DNM1L: variants seen among roughly 807,000 people sequenced by gnomAD.
The protein encoded by DNM1L is dynamin 1L.
In DNM1L, 33 loss-of-function variants were observed where a neutral mutation model predicts 92.8. The observed-to-expected ratio is 0.36, with a 90% CI of 0.27 to 0.48. The LOEUF is 0.48. Ranked by LOEUF, DNM1L falls within the 20% of genes least tolerant of loss-of-function variation. DNM1L has a pLI of 0.99. For missense variants in DNM1L, 485 were observed against 888.8 expected, an observed-to-expected ratio of 0.55 and a Z score of 5.78; for synonymous variants, 284 against 305.0, an observed-to-expected ratio of 0.93 and a Z score of 0.72.
At chr12:32,721,258 G>A (rs1421188324) in intron 8 of DNM1L, among the ~76,000 whole-genome samples, 2 of 152,170 alleles carry the variant, frequency 1.3e-5, no homozygotes, top group Non-Finnish European at 2.9e-5. Context: ...ACCCACTGAT[G>A]TGTGGGGACT....
At chr12:32,691,427 C>T (rs189998345) in intron 1 of DNM1L, among the ~76,000 whole-genome samples, 124 of 152,096 alleles carry the variant, frequency 8.2e-4, no homozygotes, top group African/African-American at 2.7e-3. Flanking sequence ...TTAGTAGAGA[C>T]GGGGTTGGGT....
intron 13 of DNM1L, 48 bp downstream of exon 13, chr12:32,733,855 T>C: frequency 6.6e-7 from 1 of 1,523,192 alleles, no homozygotes; most frequent in Non-Finnish European, 9.1e-7. Flanking sequence ...AAATCTGTTG[T>C]AACTCAGTTA....
intron 16 of DNM1L, among the ~76,000 whole-genome samples, chr12:32,739,373 A>G (rs1955123863): frequency 6.6e-6 from 1 of 152,204 alleles, no homozygotes; most frequent in Non-Finnish European, 1.5e-5. Flanking sequence ...CTAGAAAACA[A>G]GGTACAAAAG....
At position 32,737,952 on chromosome 12, in the gene DNM1L, G is replaced by A. The variant is rs1171567870; in HGVS notation, c.1674+10G>A. 1 of 1,613,376 alleles carries A rather than the reference G, an allele frequency of 6.2e-7. No individual in the cohort carries two copies. The highest frequency in any genetic ancestry group is 2.2e-5 in the East Asian group (1 of 44,870). ...TGAGGCTGATGGCAAGGTCTGTTCT[G>A]ATTCTTAATCTAAGCCTGCATGCCT... On this transcript the variant is annotated intron_variant, in intron 15 of 19. Transcript: ENST00000549701.
At chr12:32,724,643 TTAAA>T (rs1432949782) in intron 9 of DNM1L, among the ~76,000 whole-genome samples, 2,612 of 141,464 alleles carry the variant, frequency 0.018, 87 homozygotes, top group African/African-American at 0.066. Flanking sequence ...TAAATATAAA[TTAAA>T]TATTTAATAT....
intron 8 of DNM1L, 91 bp from the exon 9 acceptor site, chr12:32,722,336 A>G (rs911246716): frequency 1.9e-6 from 2 of 1,033,700 alleles, no homozygotes; most frequent in Admixed American, 4.0e-5. Context: ...AAATTATTTG[A>G]TAGGTTTTCC....
At chr12:32,733,835 A>G (rs1436609911) in intron 13 of DNM1L, 28 bp downstream of exon 13, 5 of 1,589,970 alleles carry the variant, frequency 3.1e-6, no homozygotes, top group Non-Finnish European at 4.3e-6. Flanking sequence ...ATGCTTTTTC[A>G]CAGGTAGAAA....
Position 32,717,588 on chromosome 12 carries a change from A to T in DNM1L, c.620-1055A>T, listed in dbSNP as rs1038232285. On this transcript the variant is annotated intron_variant, in intron 6 of 19. Coordinates refer to ENST00000549701, the MANE Select transcript of DNM1L (RefSeq NM_012062.5). The stretch of plus-strand genomic sequence containing the variant: ...TACAAATATATATACCTAGGTAGAT[A>T]TATATATAAAAAATACATATACCTA... Among the ~76,000 whole-genome samples the T allele has an allele frequency of 6.1e-5, 7 of 115,680 alleles. No homozygotes were observed. The East Asian group carries it at 1.6e-3, about 27-fold the overall frequency. 75.9% of individuals were successfully genotyped at this position (115,680 alleles called of 152,430 possible). A position where few individuals can be genotyped will look rare whatever the true frequency, so the allele number is the denominator to read the frequency against.
In DNM1L at chr12:32,726,504, T is replaced by G. The variant is rs1263856236; in HGVS notation, c.1079+3871T>G. 7.6e-6 allele frequency: 8 copies of G among 1,050,588 alleles called. No homozygotes were observed. In the East Asian group the frequency reaches 1.2e-4, roughly 16 times the overall value. 65.1% of individuals were successfully genotyped at this position (1,050,588 alleles called of 1,614,324 possible). A position where few individuals can be genotyped will look rare whatever the true frequency, so the allele number is the denominator to read the frequency against. ...ACCTTCTTCATCATACTCATCATCATCATCTTCAGTAGCTTCTCCAGTAAA... is the reference window on the plus strand; with the variant it reads ...ACCTTCTTCATCATACTCATCATCAGCATCTTCAGTAGCTTCTCCAGTAAA... On this transcript the variant is annotated intron_variant, in intron 9 of 19. Coordinates refer to ENST00000549701, the MANE Select transcript of DNM1L (RefSeq NM_012062.5).
chr12:32,740,483 A>G lies in DNM1L; in HGVS notation c.1959A>G (p.Ser653=), dbSNP rs1470122766. Reference sequence around the variant, plus strand: ...AGGTTATTGAACGACTCATTAAATCATATTTTCTCATTGTCAGAAAGAATA... The same window carrying G: ...AGGTTATTGAACGACTCATTAAATCGTATTTTCTCATTGTCAGAAAGAATA... The part of the protein sequence containing the change: ...DCEVIERLIK[S]YFLIVRKNIQ... Residue 653 remains serine (S), a synonymous_variant, in exon 18 of 20, where the codon TCA becomes TCG. Transcript: ENST00000549701. The G allele has an allele frequency of 1.2e-6, 2 of 1,613,928 alleles. No individual in the cohort carries two copies. The highest frequency in any genetic ancestry group is 2.2e-5 in the East Asian group (1 of 44,874).
chr12:32,712,148 C>T (rs538910140), intron 5 of DNM1L, among the ~76,000 whole-genome samples: 12 of 152,138 alleles, frequency 7.9e-5, no homozygotes, highest in Admixed American at 3.3e-4. Flanking sequence ...GACAGTGATA[C>T]GATTAAAGTG....
In DNM1L at chr12:32,679,441, T is replaced by C. The variant is rs1279608944; in HGVS notation, c.78T>C (p.Pro26=). The change falls in exon 1 of 20, where the codon CCT becomes CCC. Residue 26 remains proline (P), a synonymous_variant. Coordinates refer to ENST00000549701, the MANE Select transcript of DNM1L (RefSeq NM_012062.5). The stretch of plus-strand genomic sequence containing the variant: ...TGGGCGCCGACATCATCCAGCTGCC[T>C]CAAATCGTCGTAGTGGGAACGCAGG... The part of the protein sequence containing the change: ...NTVGADIIQL[P]QIVVVGTQSS... 2 of 1,613,254 alleles carry C rather than the reference T, an allele frequency of 1.2e-6. No individual in the cohort carries two copies.
intron 18 of DNM1L, among the ~76,000 whole-genome samples, chr12:32,741,506 A>G (rs977567855): frequency 6.6e-6 from 1 of 152,190 alleles, no homozygotes; most frequent in African/African-American, 2.4e-5. Flanking sequence ...GCTGGTCTCG[A>G]ACTCCTGACG....
rs114412355 is a variant in DNM1L at position 32,697,236 on chromosome 12, A to T, written c.103-4179A>T. Among the ~76,000 whole-genome samples, 1,216 of 152,222 alleles carry T rather than the reference A, an allele frequency of 8.0e-3. 13 individuals carry two copies. The highest frequency in any genetic ancestry group is 0.028 in the African/African-American group (1,165 of 41,542). On this transcript the variant is annotated intron_variant, in intron 1 of 19. Transcript: ENST00000549701. ...AGAGCGAGACTCTCTAAAAAAATAT[A>T]AAAAATAAAAGTCACAAACAATATG... is the stretch of plus-strand genomic sequence containing the variant.
At chr12:32,717,356 A>G (rs1168176539) in intron 6 of DNM1L, among the ~76,000 whole-genome samples, 1 of 66,280 alleles carries the variant, frequency 1.5e-5, no homozygotes, top group Non-Finnish European at 2.7e-5. Flanking sequence ...TATTATATAT[A>G]GTATATATAA....
chr12:32,697,777 A>T (rs1029729035), intron 1 of DNM1L, among the ~76,000 whole-genome samples: 2 of 152,184 alleles, frequency 1.3e-5, no homozygotes, highest in African/African-American at 4.8e-5. Context: ...AGGAGAAAAA[A>T]AAATCCCAGG....
At chr12:32,716,320 A>G (rs1382000529) in intron 6 of DNM1L, among the ~76,000 whole-genome samples, 1 of 152,090 alleles carries the variant, frequency 6.6e-6, no homozygotes, top group Non-Finnish European at 1.5e-5. Flanking sequence ...CTGTACACCA[A>G]AAAAGAGTAA....
chr12:32,682,156 G>A (rs11052162), intron 1 of DNM1L, among the ~76,000 whole-genome samples: 21,382 of 150,716 alleles, frequency 0.14, 1,532 homozygotes, highest in Middle Eastern at 0.19. Flanking sequence ...TTTTGAGACC[G>A]AGTTTCGCTC....
Position 32,679,815 on chromosome 12 carries a change from C to G in DNM1L, c.102+350C>G, listed in dbSNP as rs867485154. 8 of 1,016,470 alleles carry G rather than the reference C, an allele frequency of 7.9e-6. No homozygotes were observed. The African/African-American group carries it at 1.2e-4, about 15-fold the overall frequency. The allele number at this position is 1,016,470 out of a possible 1,614,324, so 63.0% of individuals were successfully genotyped here. A position where few individuals can be genotyped will look rare whatever the true frequency, so the allele number is the denominator to read the frequency against. ...CGGCCTCGTCCGCGTGCCGCTGCCT[C>G]CAAGGGCACCTGGGGGACGCGCGGG... On this transcript the variant is annotated intron_variant, in intron 1 of 19. Coordinates refer to ENST00000549701, the MANE Select transcript of DNM1L (RefSeq NM_012062.5).
Sources: allele counts gnomAD v4.1 joint callset (sites outside exome capture counted in the v4.1 genomes callset), GRCh38; gene constraint gnomAD v4.1.1; transcripts MANE v1.5; gene names NCBI Gene and HGNC (gene_info 2026-07-23, HGNC 2026-07-21).